Variants in TMF1 observed in about 807,000 individuals in gnomAD.
TMF1 encodes the protein TATA element modulatory factor.
A neutral mutation model predicts 126.5 loss-of-function variants in TMF1; 71 were observed. The observed-to-expected ratio is 0.56, with a 90% CI of 0.46 to 0.68. TMF1 has a LOEUF of 0.68. Among genes scored for constraint, TMF1 ranks in the 30% least tolerant of loss-of-function variants. The pLI, the probability that TMF1 is intolerant of heterozygous loss-of-function variation, is 0.00. For synonymous variants in TMF1, 461 were observed against 430.5 expected, an observed-to-expected ratio of 1.07 and a Z score of -0.88; for missense variants, 1,259 against 1,253.2, an observed-to-expected ratio of 1.00 and a Z score of -0.07.
intron 11 of TMF1, among the ~76,000 whole-genome samples, chr3:69,029,431 T>G (rs746099056): frequency 4.4e-4 from 61 of 138,350 alleles, no homozygotes; most frequent in Non-Finnish European, 8.0e-4. Context: ...ATACTTTGTT[T>G]ATTTACTTAT....
chr3:69,052,311 A>T lies in TMF1; in HGVS notation c.-225T>A, dbSNP rs1045984274. On this transcript the variant is annotated 5_prime_UTR_variant, in exon 1 of 17. Transcript: ENST00000398559. ...ATGTGCGCATGCGCTTGCTTCTTCC[A>T]CGTACACAGCAACCAAATCTACGAG... The T allele has an allele frequency of 5.0e-6, 2 of 396,544 alleles. No homozygotes were observed. Among genetic ancestry groups the T allele is most frequent in the East Asian group, 4.3e-5 (1 of 23,448 alleles). 24.6% of individuals were successfully genotyped at this position (396,544 alleles called of 1,614,324 possible). A position where few individuals can be genotyped will look rare whatever the true frequency, so the allele number is the denominator to read the frequency against.
chr3:69,032,904 C>T (rs1454514078), intron 10 of TMF1, among the ~76,000 whole-genome samples: 1 of 152,044 alleles, frequency 6.6e-6, no homozygotes, highest in Non-Finnish European at 1.5e-5. Context: ...AGCCACCGCG[C>T]CCTGCCAGAA....
At chr3:69,042,669 T>C in intron 5 of TMF1, 138 bp downstream of exon 5, 1 of 730,992 alleles carries the variant, frequency 1.4e-6, no homozygotes, top group Non-Finnish European at 2.4e-6. Flanking sequence ...TTCCATAAAC[T>C]GTCACCTATT....
At chr3:69,026,470 C>A (rs1243502550) in intron 13 of TMF1, among the ~76,000 whole-genome samples, 1 of 152,140 alleles carries the variant, frequency 6.6e-6, no homozygotes, top group African/African-American at 2.4e-5. Context: ...GTGGCGCATG[C>A]CTGTAATCCC....
At chr3:69,045,006 C>A (rs1331932961) in intron 2 of TMF1, among the ~76,000 whole-genome samples, 1 of 151,968 alleles carries the variant, frequency 6.6e-6, no homozygotes, top group African/African-American at 2.4e-5. Context: ...GCATACACAC[C>A]AAAAGAAGAA....
chr3:69,051,987 C>A lies in TMF1; in HGVS notation c.100G>T (p.Glu34Ter). The A allele has an allele frequency of 1.2e-6, 2 of 1,614,072 alleles. No individual in the cohort carries two copies. Among genetic ancestry groups the A allele is most frequent in the Non-Finnish European group, 1.7e-6 (2 of 1,179,980 alleles). ...ATGGTCTCGGCCCAGATGCTCGGCT[C>A]CTCTTCCTGGATGTCCAGAACCCTG... The part of the protein sequence containing the change: ...IDRVLDIQEE[E>*]PSIWAETIPY... Residue 34 changes from glutamate (E) to a stop codon, truncating the protein, a stop_gained, in exon 1 of 17, where the codon GAG becomes TAG. Transcript: ENST00000398559. LOFTEE classifies it high-confidence loss of function.
chr3:69,023,040 A>G lies in TMF1; in HGVS notation c.*137T>C. On this transcript the variant is annotated 3_prime_UTR_variant, in exon 17 of 17. Coordinates refer to ENST00000398559, the MANE Select transcript of TMF1 (RefSeq NM_007114.3). ...TGTAAATATTACTACATAGTGTAAA[A>G]CAATTTTAAAAAAATTTTTACACTC... 1.4e-6 allele frequency: 1 copy of G among 728,484 alleles called. No homozygotes were observed. Among genetic ancestry groups the G allele is most frequent in the East Asian group, 2.9e-5 (1 of 34,606 alleles). The allele number at this position is 728,484 out of a possible 1,614,324, so 45.1% of individuals were successfully genotyped here.
chr3:69,043,342 G>T (rs2091877965), intron 4 of TMF1, among the ~76,000 whole-genome samples: 1 of 151,982 alleles, frequency 6.6e-6, no homozygotes, highest in Admixed American at 6.6e-5. Flanking sequence ...GCTAATCTTT[G>T]TATTTTTTGT....
In TMF1 at chr3:69,043,735, T is replaced by G; in HGVS notation, c.1578+15A>C. ...TCTATAGAGTTTAATTAATATTACT[T>G]TAAATTTCAATTACCTTTTTAGCAG... is the stretch of plus-strand genomic sequence containing the variant. On this transcript the variant is annotated intron_variant, in intron 4 of 16. Coordinates refer to ENST00000398559, the MANE Select transcript of TMF1 (RefSeq NM_007114.3). 1.3e-6 allele frequency: 2 copies of G among 1,594,932 alleles called. No homozygotes were observed. Among genetic ancestry groups the G allele is most frequent in the African/African-American group, 2.7e-5 (2 of 73,936 alleles).
In TMF1 at chr3:69,048,458, T is replaced by C. The variant is rs2091908519; in HGVS notation, c.247A>G (p.Lys83Glu). 1.2e-6 allele frequency: 2 copies of C among 1,614,170 alleles called. No individual in the cohort carries two copies. The highest frequency in any genetic ancestry group is 2.2e-5 in the South Asian group (2 of 91,084). The change falls in exon 2 of 17, where the codon AAG (lysine) becomes GAG (glutamate). Residue 83 changes from lysine (K) to glutamate (E), a missense_variant. Coordinates refer to ENST00000398559, the MANE Select transcript of TMF1 (RefSeq NM_007114.3). ...PPIASPKAIT[K>E]PVRRTVVDES... ...TCGACCACAGTCCTCCGAACTGGCT[T>C]TGTGATTGCTTTAGGAGAGGCTATT... is the stretch of plus-strand genomic sequence containing the variant.
intron 1 of TMF1, 139 bp downstream of exon 1, chr3:69,051,806 T>C (rs1175154528): frequency 5.9e-6 from 6 of 1,015,200 alleles, no homozygotes; most frequent in Non-Finnish European, 8.4e-6. Context: ...TGAAGCAGCA[T>C]TAGGGAACGG....
chr3:69,038,811 T>C (rs748236467), intron 7 of TMF1, 32 bp downstream of exon 7: 3 of 1,584,358 alleles, frequency 1.9e-6, no homozygotes. Flanking sequence ...TAATTCATTC[T>C]AAATGGGTTG....
chr3:69,042,958 T>G, intron 4 of TMF1, 46 bp from the exon 5 acceptor site: 1 of 1,339,332 alleles, frequency 7.5e-7, no homozygotes, highest in East Asian at 2.3e-5. Context: ...TGACTTTCAC[T>G]CTAAGTACAG....
chr3:69,032,900 C>T (rs921364718), intron 10 of TMF1, among the ~76,000 whole-genome samples: 2 of 152,004 alleles, frequency 1.3e-5, no homozygotes, highest in African/African-American at 2.4e-5. Flanking sequence ...TGTGAGCCAC[C>T]GCGCCCTGCC....
chr3:69,021,835 C>T lies in TMF1; in HGVS notation c.*1342G>A, dbSNP rs1046369758. ...AGCTAGGATTACAGGCGCACACCAC[C>T]ACGCCAGGCTAATTTTTGTATTTTT... On this transcript the variant is annotated 3_prime_UTR_variant, in exon 17 of 17. Coordinates refer to ENST00000398559, the MANE Select transcript of TMF1 (RefSeq NM_007114.3). 3 of 152,268 alleles carry T rather than the reference C, an allele frequency of 2.0e-5. No homozygotes were observed. In the South Asian group the frequency reaches 6.2e-4, roughly 32 times the overall value. The allele number at this position is 152,268 out of a possible 1,614,324, so 9.4% of individuals were successfully genotyped here.
intron 5 of TMF1, chr3:69,042,325 A>T (rs923901115): frequency 8.8e-6 from 4 of 455,724 alleles, no homozygotes; most frequent in African/African-American, 8.0e-5. Flanking sequence ...GTCATAAGCC[A>T]CCACACTCAG....
In TMF1 at chr3:69,044,567, T is replaced by G; in HGVS notation, c.1376A>C (p.Glu459Ala). Reference protein sequence around the residue: ...KTVEFLNEKLEKREAQLLSLS... With the variant: ...KTVEFLNEKLAKREAQLLSLS... ...AGATAATAACTGAGCCTCCCTTTTT[T>G]CCAGCTTTTCATTCAGAAATTCAAC... The change falls in exon 3 of 17, where the codon GAA (glutamate) becomes GCA (alanine). Residue 459 changes from glutamate to alanine, a missense_variant. Glu to Ala is a moderately radical substitution (Grantham distance 107, BLOSUM62 -1). Transcript: ENST00000398559. The G allele has an allele frequency of 1.2e-6, 2 of 1,609,196 alleles. No homozygotes were observed. The highest frequency in any genetic ancestry group is 2.2e-5 in the South Asian group (2 of 89,706).
intron 8 of TMF1, among the ~76,000 whole-genome samples, chr3:69,038,123 C>A (rs943545761): frequency 6.6e-6 from 1 of 152,086 alleles, no homozygotes; most frequent in African/African-American, 2.4e-5. Context: ...TTGATAATAA[C>A]CACAAAGTAT....
chr3:69,028,295 C>T lies in TMF1; in HGVS notation c.2595G>A (p.Arg865=). 3 of 1,605,198 alleles carry T rather than the reference C, an allele frequency of 1.9e-6. No individual in the cohort carries two copies. Among genetic ancestry groups the T allele is most frequent in the Non-Finnish European group, 1.7e-6 (2 of 1,172,872 alleles). The part of the protein sequence containing the change: ...RLCKLEDENN[R]YQVELENLKD... ...TTAGGTTTTCCAATTCAACCTGGTA[C>T]CTATTAAACAAGGCAGAATTTAAAA... is the stretch of plus-strand genomic sequence containing the variant. The change falls in exon 12 of 17, where the codon AGG becomes AGA. Residue 865 remains arginine, a splice_region_variant and synonymous_variant. Transcript: ENST00000398559.
Sources: gnomAD v4.1 joint callset for allele counts (sites outside exome capture counted in the v4.1 genomes callset) on GRCh38, gnomAD v4.1.1 for gene constraint, MANE v1.5 for transcripts, NCBI Gene and HGNC (gene_info 2026-07-23, HGNC 2026-07-21) for gene names.